The following ST3GAL1 variants were observed in gnomAD, a reference collection of about 807,000 sequenced individuals.
ST3GAL1 encodes the protein CMP-N-acetylneuraminate-beta-galactosamide-alpha-2,3-sialyltransferase 1.
Under a neutral mutation model 34.1 loss-of-function variants are expected in ST3GAL1, and 16 were observed. The ratio of observed to expected loss-of-function variants is 0.47; its 90% CI spans 0.32 to 0.71. ST3GAL1 has a LOEUF of 0.71. Among genes scored for constraint, ST3GAL1 ranks in the 30% least tolerant of loss-of-function variants. ST3GAL1 has a pLI of 0.04. For missense variants in ST3GAL1, 353 were observed against 447.4 expected (o/e 0.79, Z 1.90); for synonymous variants, 191 against 184.7 (o/e 1.03, Z -0.28).
At chr8:133,517,443 G>A (rs375842556) in intron 2 of ST3GAL1, among the ~76,000 whole-genome samples, 3 of 152,206 alleles carry the variant, frequency 2.0e-5, no homozygotes, top group African/African-American at 2.4e-5. Context: ...TCTGCCTCCC[G>A]GGTTCAAGCG....
intron 2 of ST3GAL1, among the ~76,000 whole-genome samples, chr8:133,510,463 G>C (rs555330580): frequency 6.6e-6 from 1 of 152,316 alleles, no homozygotes; most frequent in Non-Finnish European, 1.5e-5. Context: ...TCTGAAGAGA[G>C]CGGGTCCACT....
At chr8:133,541,120 T>TATATATAGAGAGAGAGAG (rs71299078) in intron 2 of ST3GAL1, among the ~76,000 whole-genome samples, 4 of 48,644 alleles carry the variant, frequency 8.2e-5, no homozygotes, top group South Asian at 8.2e-4. Context: ...TATATATATA[T>TATATATAGAGAGAGAGAG]AGAGAGAGAG....
At chr8:133,463,713 G>C (rs961172041) in intron 7 of ST3GAL1, among the ~76,000 whole-genome samples, 5 of 152,194 alleles carry the variant, frequency 3.3e-5, no homozygotes, top group African/African-American at 1.2e-4. Flanking sequence ...CCCCAAAAAG[G>C]TGAGGAGGAC....
chr8:133,550,006 C>T (rs549298293), intron 1 of ST3GAL1, among the ~76,000 whole-genome samples: 1 of 152,258 alleles, frequency 6.6e-6, no homozygotes, highest in Admixed American at 6.5e-5. Flanking sequence ...TAGAACTGCA[C>T]CCCATGTGGG....
chr8:133,535,462 T>C (rs1271961477), intron 2 of ST3GAL1, among the ~76,000 whole-genome samples: 1 of 152,168 alleles, frequency 6.6e-6, no homozygotes, highest in Non-Finnish European at 1.5e-5. Context: ...AGTCTATTGG[T>C]GCCATTTTTC....
intron 3 of ST3GAL1, among the ~76,000 whole-genome samples, chr8:133,478,606 C>A (rs7838656): frequency 1.3e-5 from 2 of 151,984 alleles, no homozygotes; most frequent in Non-Finnish European, 2.9e-5. Flanking sequence ...CTCCTACCTC[C>A]GTGTCCCTGC....
At chr8:133,551,520 AAGAAAG>A (rs1563738872) in intron 1 of ST3GAL1, among the ~76,000 whole-genome samples, 2 of 143,724 alleles carry the variant, frequency 1.4e-5, no homozygotes, top group African/African-American at 2.9e-5. Flanking sequence ...GACAGAAAGA[AAGAAAG>A]AGAAAGAAAG....
At chr8:133,479,200 C>T (rs1292264675) in intron 3 of ST3GAL1, among the ~76,000 whole-genome samples, 1 of 150,252 alleles carries the variant, frequency 6.7e-6, no homozygotes. Context: ...TCTCCAGGCC[C>T]TGGACAAGGT....
chr8:133,509,634 A>G (rs1044409490), intron 2 of ST3GAL1, among the ~76,000 whole-genome samples: 31 of 152,374 alleles, frequency 2.0e-4, no homozygotes, highest in Middle Eastern at 3.4e-3. Flanking sequence ...GGTGGAAAGT[A>G]GCTGGTGGTA....
chr8:133,471,677 G>T (rs376039982), intron 5 of ST3GAL1, among the ~76,000 whole-genome samples: 1 of 152,130 alleles, frequency 6.6e-6, no homozygotes, highest in East Asian at 1.9e-4. Context: ...GGGTGACCTG[G>T]TAAGTGCAAA....
rs1305224539 is a variant in ST3GAL1 at position 133,476,598 on chromosome 8, C to T, written c.-371G>A. ...GATGAAGGCACAGAAGGTTGTCTGTCATCTGCAAAGAAAAGGAGGAAGAAA... is the reference window on the plus strand; with the variant it reads ...GATGAAGGCACAGAAGGTTGTCTGTTATCTGCAAAGAAAAGGAGGAAGAAA... On this transcript the variant is annotated splice_region_variant and 5_prime_UTR_variant, in exon 4 of 10. It removes an upstream start codon present in the reference 5' UTR. Transcript: ENST00000522652. The T allele has an allele frequency of 6.6e-6, 1 of 152,212 alleles. No individual in the cohort carries two copies. The highest frequency in any genetic ancestry group is 2.4e-5 in the African/African-American group (1 of 41,440). 9.4% of individuals were successfully genotyped at this position (152,212 alleles called of 1,614,324 possible). A position where few individuals can be genotyped will look rare whatever the true frequency, so the allele number is the denominator to read the frequency against.
chr8:133,554,752 G>T (rs1291381272), intron 1 of ST3GAL1, among the ~76,000 whole-genome samples: 1 of 148,416 alleles, frequency 6.7e-6, no homozygotes, highest in East Asian at 2.0e-4. Context: ...TTTTGAGTCG[G>T]AGTCTTGCTC....
Position 133,571,268 on chromosome 8 carries a change from G to A in ST3GAL1, c.-582+425C>T, listed in dbSNP as rs140880783. ...GCCACCCAGCGAGGTCTCCTCCCACGGGCGGCCCCAGCGGAGGAGATCCCA... is the reference window on the plus strand; with the variant it reads ...GCCACCCAGCGAGGTCTCCTCCCACAGGCGGCCCCAGCGGAGGAGATCCCA... On this transcript the variant is annotated intron_variant, in intron 1 of 9. Coordinates refer to ENST00000522652, the MANE Select transcript of ST3GAL1 (RefSeq NM_173344.3). The surrounding 1 kb of genome is among the most constrained non-coding windows in gnomAD (Gnocchi z 6.7). 1.3e-5 allele frequency among the ~76,000 whole-genome samples: 2 copies of A among 152,266 alleles called. No homozygotes were observed. Among genetic ancestry groups the A allele is most frequent in the African/African-American group, 2.4e-5 (1 of 41,560 alleles).
chr8:133,551,615 AAAGAGC>A (rs1818868240), intron 1 of ST3GAL1, among the ~76,000 whole-genome samples: 1 of 146,062 alleles, frequency 6.8e-6, no homozygotes, highest in Non-Finnish European at 1.5e-5. Context: ...AGAAAGAAAG[AAAGAGC>A]GAGCAAGCCT....
intron 1 of ST3GAL1, among the ~76,000 whole-genome samples, chr8:133,551,610 GAA>G (rs937256358): frequency 5.5e-5 from 8 of 145,306 alleles, no homozygotes; most frequent in East Asian, 2.1e-4. Flanking sequence ...AAGAAAGAAA[GAA>G]AGAAAGAGCG....
chr8:133,534,253 G>T (rs149410027), intron 2 of ST3GAL1, among the ~76,000 whole-genome samples: 6 of 152,270 alleles, frequency 3.9e-5, no homozygotes, highest in South Asian at 2.1e-4. Context: ...TAGAGACTGA[G>T]AAAGTGTTTA....
rs145409662 is a variant in ST3GAL1 at position 133,570,550 on chromosome 8, C to G, written c.-582+1143G>C. Reference sequence around the variant, plus strand: ...AGGAGCGAGTCAGGGCTCCAGCTGACGAGCAGAGCCAGACGATCCCCACAC... The same window carrying G: ...AGGAGCGAGTCAGGGCTCCAGCTGAGGAGCAGAGCCAGACGATCCCCACAC... On this transcript the variant is annotated intron_variant, in intron 1 of 9. Transcript: ENST00000522652. This position sits in a 1 kb window ranked among gnomAD's most constrained non-coding sequence, Gnocchi z 5.6. 6.6e-6 allele frequency among the ~76,000 whole-genome samples: 1 copy of G among 152,062 alleles called. No homozygotes were observed. The highest frequency in any genetic ancestry group is 1.5e-5 in the Non-Finnish European group (1 of 67,992).
intron 2 of ST3GAL1, among the ~76,000 whole-genome samples, chr8:133,531,150 T>A (rs965712963): frequency 6.6e-6 from 1 of 151,606 alleles, no homozygotes; most frequent in East Asian, 1.9e-4. Flanking sequence ...TTTTTAGAAA[T>A]AATGTGAAAT....
chr8:133,525,494 C>G (rs1405826697), intron 2 of ST3GAL1, among the ~76,000 whole-genome samples: 1 of 152,170 alleles, frequency 6.6e-6, no homozygotes, highest in African/African-American at 2.4e-5. Flanking sequence ...GGCCCCCAGG[C>G]TTCAGGCTGT....
Sources: allele counts gnomAD v4.1 joint callset (sites outside exome capture counted in the v4.1 genomes callset), GRCh38; gene constraint gnomAD v4.1.1; non-coding constraint Gnocchi (gnomAD v3.1); transcripts MANE v1.5; gene names NCBI Gene and HGNC (gene_info 2026-07-23, HGNC 2026-07-21).